Variants in BABAM2 observed in about 807,000 individuals in gnomAD.
The protein encoded by BABAM2 is BRISC and BRCA1 A complex member 2, also known as BRISC and BRCA1-A complex member 2.
A neutral mutation model predicts 54.7 loss-of-function variants in BABAM2; 31 were observed. That is an observed-to-expected ratio of 0.57 (90% CI 0.43 to 0.77). BABAM2 has a LOEUF of 0.77. Ranked by LOEUF, BABAM2 falls within the 30% of genes least tolerant of loss-of-function variation. BABAM2 has a pLI of 0.00. For synonymous variants in BABAM2, 167 were observed against 162.9 expected (o/e 1.03, Z -0.19); for missense variants, 364 against 455.8 (o/e 0.80, Z 1.83).
intron 10 of BABAM2, among the ~76,000 whole-genome samples, chr2:28,280,782 T>C (rs1434387671): frequency 6.6e-6 from 1 of 152,130 alleles, no homozygotes. Flanking sequence ...TGTTTTTCCA[T>C]GGAACCAATA....
intron 11 of BABAM2, among the ~76,000 whole-genome samples, chr2:28,324,659 G>A (rs1242285050): frequency 6.6e-6 from 1 of 151,950 alleles, no homozygotes; most frequent in African/African-American, 2.4e-5. Flanking sequence ...GCTGGGCGTG[G>A]TAGTGCACTC....
intron 7 of BABAM2, among the ~76,000 whole-genome samples, chr2:28,236,272 T>C (rs1168219118): frequency 2.0e-5 from 3 of 152,146 alleles, no homozygotes; most frequent in Non-Finnish European, 4.4e-5. Flanking sequence ...AAATGAAATG[T>C]ACGCCTTAAA....
At chr2:27,966,328 CT>C (rs1670841533) in intron 3 of BABAM2, among the ~76,000 whole-genome samples, 1 of 152,132 alleles carries the variant, frequency 6.6e-6, no homozygotes, top group Admixed American at 6.5e-5. Flanking sequence ...CTTTCTTTTT[CT>C]TTATTTTCCA....
intron 6 of BABAM2, among the ~76,000 whole-genome samples, chr2:28,054,250 T>G (rs1385858221): frequency 6.6e-6 from 1 of 152,104 alleles, no homozygotes; most frequent in Non-Finnish European, 1.5e-5. Flanking sequence ...GGTCTCTGTT[T>G]ATGTTTGATT....
At chr2:28,012,213 C>G (rs1674450136) in intron 4 of BABAM2, among the ~76,000 whole-genome samples, 1 of 152,110 alleles carries the variant, frequency 6.6e-6, no homozygotes, top group African/African-American at 2.4e-5. Context: ...ATTCGAGCAA[C>G]CTGGAAAATT....
chr2:27,917,607 A>C (rs138650017), intron 2 of BABAM2, among the ~76,000 whole-genome samples: 3 of 152,140 alleles, frequency 2.0e-5, no homozygotes. Context: ...TTTATGACCT[A>C]GTCAGCTCTC....
chr2:28,285,717 T>TA (rs1444031962), intron 10 of BABAM2, among the ~76,000 whole-genome samples: 3 of 151,942 alleles, frequency 2.0e-5, no homozygotes, highest in Admixed American at 1.3e-4. Context: ...CCCTTGAACA[T>TA]AAGAGATGTG....
At chr2:28,212,173 TTGAGA>T (rs1573854170) in intron 7 of BABAM2, among the ~76,000 whole-genome samples, 1 of 152,236 alleles carries the variant, frequency 6.6e-6, no homozygotes, top group South Asian at 2.1e-4. Flanking sequence ...TTGGAATAGC[TTGAGA>T]TATTTGCAAA....
In BABAM2 at chr2:28,244,861, CAGTG is replaced by C; in HGVS notation, c.934+3_934+6del. ...GGAAAGATTTTTGTTTTCTTGTACA[CAGTG>C]AGTATACTTTTGCTGTCAGCATGTC... On this transcript the variant is annotated splice_donor_variant and splice_donor_region_variant and coding_sequence_variant and intron_variant, in exon 10 of 12. Coordinates refer to ENST00000379624, the MANE Select transcript of BABAM2 (RefSeq NM_199191.3). LOFTEE classifies it high-confidence loss of function. 6.2e-7 allele frequency: 1 copy of C among 1,613,504 alleles called. No homozygotes were observed. The highest frequency in any genetic ancestry group is 8.5e-7 in the Non-Finnish European group (1 of 1,179,636).
At chr2:27,945,261 T>C (rs941576224) in intron 3 of BABAM2, among the ~76,000 whole-genome samples, 1 of 152,134 alleles carries the variant, frequency 6.6e-6, no homozygotes, top group Non-Finnish European at 1.5e-5. Flanking sequence ...ACTCCTGGCC[T>C]AAAGTGATCT....
rs187810829 is a variant in BABAM2, at chr2:28,325,715, C to T, written c.1089-12735C>T. The stretch of plus-strand genomic sequence containing the variant: ...CATGGCCATCTTGCTGCCCCTCCCC[C>T]ACATCCTCAAACACCCAGCCAGGGG... On this transcript the variant is annotated intron_variant, in intron 11 of 11. Coordinates refer to ENST00000379624, the MANE Select transcript of BABAM2 (RefSeq NM_199191.3). The surrounding 1 kb of genome is among the most constrained non-coding windows in gnomAD (Gnocchi z 4.3). 6.6e-6 allele frequency among the ~76,000 whole-genome samples: 1 copy of T among 152,180 alleles called. No homozygotes were observed. The highest frequency in any genetic ancestry group is 1.5e-5 in the Non-Finnish European group (1 of 68,032).
intron 7 of BABAM2, among the ~76,000 whole-genome samples, chr2:28,198,028 T>C (rs1677801136): frequency 6.6e-6 from 1 of 152,018 alleles, no homozygotes; most frequent in Admixed American, 6.5e-5. Context: ...CAAATTGCAA[T>C]AGCCTCCATG....
chr2:27,959,227 G>A (rs1670296964), intron 3 of BABAM2, among the ~76,000 whole-genome samples: 7 of 152,186 alleles, frequency 4.6e-5, no homozygotes, highest in Non-Finnish European at 1.5e-5. Context: ...AGGATTACAT[G>A]CTCCTTGTTT....
intron 6 of BABAM2, among the ~76,000 whole-genome samples, chr2:28,111,874 C>T (rs1293974447): frequency 3.9e-5 from 6 of 152,316 alleles, no homozygotes; most frequent in Middle Eastern, 3.4e-3. Flanking sequence ...GTTCATGCTA[C>T]ACCCTCATTT....
At chr2:28,254,132 G>T (rs1248717952) in intron 10 of BABAM2, among the ~76,000 whole-genome samples, 1 of 152,158 alleles carries the variant, frequency 6.6e-6, no homozygotes, top group Non-Finnish European at 1.5e-5. Flanking sequence ...GAGTAGCCCA[G>T]GTTCTAAGAC....
intron 11 of BABAM2, among the ~76,000 whole-genome samples, chr2:28,321,008 A>G (rs184947533): frequency 1.4e-4 from 22 of 152,358 alleles, no homozygotes; most frequent in African/African-American, 5.1e-4. Flanking sequence ...AATGTTATAT[A>G]TATACCTATT....
chr2:28,219,289 C>T (rs766540897), intron 7 of BABAM2, among the ~76,000 whole-genome samples: 7 of 152,244 alleles, frequency 4.6e-5, no homozygotes, highest in Non-Finnish European at 1.0e-4. Flanking sequence ...TTATTTGGCT[C>T]ATAGCCCCCT....
intron 6 of BABAM2, among the ~76,000 whole-genome samples, chr2:28,080,314 G>A (rs530088625): frequency 2.0e-5 from 3 of 152,018 alleles, no homozygotes; most frequent in Non-Finnish European, 4.4e-5. Context: ...GTACCATCCA[G>A]CATTTCAGAA....
intron 10 of BABAM2, among the ~76,000 whole-genome samples, chr2:28,273,439 C>G (rs985647841): frequency 1.3e-5 from 2 of 152,204 alleles, no homozygotes; most frequent in African/African-American, 4.8e-5. Context: ...TAGCTTCAGG[C>G]CAGGCCCAGT....
Sources: gnomAD v4.1 joint callset for allele counts (sites outside exome capture counted in the v4.1 genomes callset) on GRCh38, gnomAD v4.1.1 for gene constraint, Gnocchi (gnomAD v3.1) non-coding constraint, MANE v1.5 for transcripts, NCBI Gene and HGNC (gene_info 2026-07-23, HGNC 2026-07-21) for gene names.